SEMA3D: variants seen among roughly 807,000 people sequenced by gnomAD.
The protein encoded by SEMA3D is semaphorin 3D.
SEMA3D carries 84 observed loss-of-function variants against 100.1 expected under a neutral mutation model. The observed-to-expected ratio is 0.84, with a 90% confidence interval of 0.70 to 1.01. SEMA3D has a LOEUF of 1.01. SEMA3D is among the 50% of genes least tolerant of loss of function. The probability of loss-of-function intolerance (pLI) is 0.00; values close to 1 mark genes in which losing one functional copy is unlikely to be tolerated. For synonymous variants in SEMA3D, 312 were observed against 320.7 expected, an observed-to-expected ratio of 0.97 and a Z score of 0.29; for missense variants, 875 against 934.1, an observed-to-expected ratio of 0.94 and a Z score of 0.82.
intron 4 of SEMA3D, among the ~76,000 whole-genome samples, chr7:85,086,016 T>C (rs1190473228): frequency 6.6e-6 from 1 of 152,166 alleles, no homozygotes; most frequent in Non-Finnish European, 1.5e-5. Flanking sequence ...AAATGTTATA[T>C]ACAAGCACAG....
At chr7:85,102,097 A>G (rs749583366) in intron 3 of SEMA3D, among the ~76,000 whole-genome samples, 4 of 152,042 alleles carry the variant, frequency 2.6e-5, no homozygotes, top group Non-Finnish European at 5.9e-5. Flanking sequence ...AAAACACAAC[A>G]TACGTGAAAT....
the SEMA3D span, among the ~76,000 whole-genome samples, chr7:85,246,546 T>C: frequency 6.6e-6 from 1 of 151,992 alleles, no homozygotes; most frequent in Non-Finnish European, 1.5e-5. Flanking sequence ...TTGTCAATAT[T>C]AGAGAAATAA....
chr7:85,217,397 A>G, the SEMA3D span, among the ~76,000 whole-genome samples: 1 of 152,156 alleles, frequency 6.6e-6, no homozygotes, highest in Non-Finnish European at 1.5e-5. Context: ...AGTGATAGAA[A>G]TAGGGCCCTT....
intron 3 of SEMA3D, among the ~76,000 whole-genome samples, chr7:85,120,694 A>G (rs974571806): frequency 2.6e-5 from 4 of 151,162 alleles, no homozygotes; most frequent in Non-Finnish European, 4.4e-5. Context: ...GGTTTTAATT[A>G]TTGATTAAAT....
intron 3 of SEMA3D, among the ~76,000 whole-genome samples, chr7:85,099,649 A>T (rs1395115387): frequency 6.6e-6 from 1 of 151,942 alleles, no homozygotes; most frequent in Non-Finnish European, 1.5e-5. Flanking sequence ...TCCACTAGCA[A>T]TGAATCAGAA....
intron 13 of SEMA3D, 28 bp from the exon 14 acceptor site, chr7:85,020,349 A>G (rs775014076): frequency 1.8e-5 from 28 of 1,536,524 alleles, no homozygotes; most frequent in South Asian, 2.2e-5. Flanking sequence ...CCATGATCCC[A>G]TTGTTTCTAT....
At chr7:85,135,548 C>G (rs1562831087) in intron 2 of SEMA3D, among the ~76,000 whole-genome samples, 1 of 151,658 alleles carries the variant, frequency 6.6e-6, no homozygotes, top group Admixed American at 6.6e-5. Flanking sequence ...GGGGAGATAG[C>G]TAATGTAAAT....
chr7:85,193,637 C>T, the SEMA3D span, among the ~76,000 whole-genome samples: 209 of 152,068 alleles, frequency 1.4e-3, 1 homozygote, highest in Non-Finnish European at 1.8e-3. Flanking sequence ...GTCATCCTAT[C>T]CCACATAATG....
intron 6 of SEMA3D, among the ~76,000 whole-genome samples, chr7:85,068,756 T>G (rs1562804392): frequency 6.6e-6 from 1 of 152,124 alleles, no homozygotes; most frequent in Non-Finnish European, 1.5e-5. Flanking sequence ...CCTGTAATAG[T>G]TTTTAAAATT....
At chr7:85,102,301 C>A (rs1788772783) in intron 3 of SEMA3D, among the ~76,000 whole-genome samples, 1 of 151,914 alleles carries the variant, frequency 6.6e-6, no homozygotes, top group Non-Finnish European at 1.5e-5. Flanking sequence ...CTCCAGGTTG[C>A]ACGTACATAC....
chr7:85,225,132 A>AAT, the SEMA3D span, among the ~76,000 whole-genome samples: 6 of 127,138 alleles, frequency 4.7e-5, no homozygotes, highest in Admixed American at 1.7e-4. Context: ...ATATATAATA[A>AAT]ATATATATAT....
rs892082727 is a variant in SEMA3D at position 85,186,964 on chromosome 7, G to A, written c.-459C>T. ...CCAGCTGGAGCTTTGGGGAGGAGAG[G>A]GTGGCGAGGAAAGGCACGCTCCAAA... On this transcript the variant is annotated 5_prime_UTR_variant, in exon 1 of 19. Transcript: ENST00000284136. The A allele has an allele frequency of 7.2e-5, 11 of 153,406 alleles. No individual in the cohort carries two copies. The East Asian group carries it at 7.7e-4, about 11-fold the overall frequency. 9.5% of individuals were successfully genotyped at this position (153,406 alleles called of 1,614,324 possible).
intron 2 of SEMA3D, chr7:85,142,179 T>C (rs1174322464): frequency 3.0e-6 from 3 of 984,396 alleles, no homozygotes; most frequent in Middle Eastern, 5.2e-4. Context: ...TCAGTGTCTC[T>C]TACCAATTTC....
the SEMA3D span, among the ~76,000 whole-genome samples, chr7:85,246,342 A>C: frequency 6.6e-6 from 1 of 152,074 alleles, no homozygotes; most frequent in African/African-American, 2.4e-5. Flanking sequence ...AGTACTTCAT[A>C]CAAAAAGCTA....
chr7:85,040,938 C>A, intron 10 of SEMA3D, 196 bp from the exon 11 acceptor site: 1 of 344,858 alleles, frequency 2.9e-6, no homozygotes, highest in Non-Finnish European at 5.2e-6. Flanking sequence ...TTGATAATCT[C>A]CAAGGTAGTT....
At chr7:85,215,117 CTTT>C in the SEMA3D span, among the ~76,000 whole-genome samples, 5 of 128,300 alleles carry the variant, frequency 3.9e-5, no homozygotes, top group Admixed American at 1.6e-4. Context: ...TTCTTTCTTT[CTTT>C]TTTTTTTTTT....
chr7:85,113,777 G>GA (rs5885450), intron 3 of SEMA3D, among the ~76,000 whole-genome samples: 149,981 of 150,018 alleles, frequency 1, 74,972 homozygotes, highest in Middle Eastern at 1. Context: ...CTCAAAAAAA[G>GA]AAAAAAAAGA....
At chr7:85,101,887 T>C (rs1042572962) in intron 3 of SEMA3D, among the ~76,000 whole-genome samples, 2 of 152,020 alleles carry the variant, frequency 1.3e-5, no homozygotes, top group African/African-American at 4.8e-5. Flanking sequence ...TATCTTATCT[T>C]CCATTAAATC....
chr7:85,142,412 T>C, intron 2 of SEMA3D: 1 of 917,708 alleles, frequency 1.1e-6, no homozygotes, highest in South Asian at 5.0e-5. Flanking sequence ...AACTCAATAA[T>C]AAAATCTTTC....
Sources: gnomAD v4.1 joint callset for allele counts (sites outside exome capture counted in the v4.1 genomes callset) on GRCh38, gnomAD v4.1.1 for gene constraint, MANE v1.5 for transcripts, NCBI Gene and HGNC (gene_info 2026-07-23, HGNC 2026-07-21) for gene names.